ERBB4: variants seen among roughly 807,000 people sequenced by gnomAD.
ERBB4 encodes erb-b2 receptor tyrosine kinase 4, also known as receptor tyrosine-protein kinase erbB-4.
Under a neutral mutation model 158.0 loss-of-function variants are expected in ERBB4, and 42 were observed. The ratio of observed to expected loss-of-function variants is 0.27; its 90% CI spans 0.21 to 0.34. The LOEUF is 0.34. Ranked by LOEUF, ERBB4 falls within the 10% of genes least tolerant of loss-of-function variation. The pLI, the probability that ERBB4 is intolerant of heterozygous loss-of-function variation, is 1.00. For synonymous variants in ERBB4, 583 were observed against 558.7 expected, an observed-to-expected ratio of 1.04 and a Z score of -0.61; for missense variants, 1,333 against 1,624.1, an observed-to-expected ratio of 0.82 and a Z score of 3.08.
intron 1 of ERBB4, among the ~76,000 whole-genome samples, chr2:212,479,993 A>G (rs1689606201): frequency 6.6e-6 from 1 of 152,144 alleles, no homozygotes; most frequent in Admixed American, 6.6e-5. Flanking sequence ...AAAAAGTCCT[A>G]TACGTATTTC....
rs568660177 is a variant in ERBB4 at position 211,720,368 on chromosome 2, T to C, written c.883+2025A>G. Among the ~76,000 whole-genome samples, 4 of 152,344 alleles carry C rather than the reference T, an allele frequency of 2.6e-5. No individual in the cohort carries two copies. The East Asian group carries it at 7.7e-4, about 29-fold the overall frequency. On this transcript the variant is annotated intron_variant, in intron 7 of 27. Transcript: ENST00000342788. ...GAGGAGCAATGTTAAAACAGTGATG[T>C]TTCATCAGCATCACAGAAATGTCCT...
intron 3 of ERBB4, among the ~76,000 whole-genome samples, chr2:211,795,380 T>A (rs2076362526): frequency 6.6e-6 from 1 of 151,918 alleles, no homozygotes; most frequent in African/African-American, 2.4e-5. Context: ...GCATAGTTGC[T>A]TCTATTATAA....
At chr2:212,050,694 CT>C (rs1175327215) in intron 2 of ERBB4, among the ~76,000 whole-genome samples, 1 of 152,138 alleles carries the variant, frequency 6.6e-6, no homozygotes, top group Non-Finnish European at 1.5e-5. Context: ...ATTATCTGTG[CT>C]AGTATGGAAA....
intron 1 of ERBB4, among the ~76,000 whole-genome samples, chr2:212,210,586 A>T (rs998695837): frequency 6.6e-6 from 1 of 152,184 alleles, no homozygotes; most frequent in African/African-American, 2.4e-5. Context: ...ATGGATAGGG[A>T]CAGACAGCAG....
At chr2:212,344,997 C>T (rs1244456056) in intron 1 of ERBB4, among the ~76,000 whole-genome samples, 3 of 151,994 alleles carry the variant, frequency 2.0e-5, no homozygotes, top group Non-Finnish European at 2.9e-5. Context: ...CGTGGTGGGT[C>T]ACGCCTGTAA....
At chr2:212,456,817 C>T (rs1317190775) in intron 1 of ERBB4, among the ~76,000 whole-genome samples, 1 of 151,882 alleles carries the variant, frequency 6.6e-6, no homozygotes, top group African/African-American at 2.4e-5. Context: ...GTGGTGTGTT[C>T]AACAATATGT....
chr2:212,058,775 T>C (rs2077663358), intron 2 of ERBB4, among the ~76,000 whole-genome samples: 1 of 152,194 alleles, frequency 6.6e-6, no homozygotes, highest in South Asian at 2.1e-4. Context: ...AAATTAGGTA[T>C]TGATGGGACG....
chr2:212,314,104 C>T (rs572706264), intron 1 of ERBB4, among the ~76,000 whole-genome samples: 2 of 150,988 alleles, frequency 1.3e-5, no homozygotes, highest in Non-Finnish European at 3.0e-5. Context: ...TTTATCTTTC[C>T]CTAAAATGCT....
Position 212,251,210 on chromosome 2 carries a change from G to T in ERBB4, c.83-126307C>A, listed in dbSNP as rs547352636. ...TTAGGAAGAATTATATATACAGTTT[G>T]CTTTTTATTTACAAAAATGCTCTTA... On this transcript the variant is annotated intron_variant, in intron 1 of 27. Transcript: ENST00000342788. 3.3e-5 allele frequency among the ~76,000 whole-genome samples: 5 copies of T among 152,002 alleles called. No individual in the cohort carries two copies. In the South Asian group the frequency reaches 6.2e-4, roughly 19 times the overall value.
intron 3 of ERBB4, among the ~76,000 whole-genome samples, chr2:211,790,089 A>G (rs901357471): frequency 6.6e-6 from 1 of 152,066 alleles, no homozygotes; most frequent in African/African-American, 2.4e-5. Context: ...AGCAGAAGGG[A>G]GACGTAAGAC....
At chr2:212,093,877 ATAAG>A (rs1224833794) in intron 2 of ERBB4, among the ~76,000 whole-genome samples, 2 of 152,244 alleles carry the variant, frequency 1.3e-5, no homozygotes, top group African/African-American at 4.8e-5. Flanking sequence ...TCAGAAAAAA[ATAAG>A]TATTTCCAGA....
At chr2:212,000,587 A>G (rs1337622169) in intron 2 of ERBB4, among the ~76,000 whole-genome samples, 1 of 151,910 alleles carries the variant, frequency 6.6e-6, no homozygotes, top group Non-Finnish European at 1.5e-5. Context: ...TTAGGAGCCT[A>G]TAAGAAAAAT....
chr2:211,669,807 A>T (rs2071771006), intron 14 of ERBB4, among the ~76,000 whole-genome samples: 1 of 152,208 alleles, frequency 6.6e-6, no homozygotes, highest in South Asian at 2.1e-4. Context: ...GAGATGTACG[A>T]GAAATTTACA....
intron 3 of ERBB4, among the ~76,000 whole-genome samples, chr2:211,944,907 C>T (rs559865967): frequency 6.6e-6 from 1 of 152,182 alleles, no homozygotes; most frequent in African/African-American, 2.4e-5. Flanking sequence ...GTAGATTAGG[C>T]AGTGAGGTAT....
chr2:211,967,626 C>T (rs570376968), intron 2 of ERBB4, among the ~76,000 whole-genome samples: 34 of 151,962 alleles, frequency 2.2e-4, no homozygotes, highest in African/African-American at 8.0e-4. Context: ...ATTAGATTCA[C>T]TAATAAAGAA....
intron 9 of ERBB4, among the ~76,000 whole-genome samples, chr2:211,709,256 T>TATAC (rs1553615179): frequency 8.4e-5 from 6 of 71,148 alleles, no homozygotes; most frequent in African/African-American, 3.2e-4. Flanking sequence ...TATATACACA[T>TATAC]ATATATATAT....
chr2:211,403,243 C>A (rs1361429971), intron 25 of ERBB4, among the ~76,000 whole-genome samples: 1 of 152,074 alleles, frequency 6.6e-6, no homozygotes, highest in Non-Finnish European at 1.5e-5. Context: ...TCCTTTCTTG[C>A]TTTCTTGGAA....
chr2:211,418,463 C>T (rs1246697057), intron 25 of ERBB4, among the ~76,000 whole-genome samples: 1 of 152,072 alleles, frequency 6.6e-6, no homozygotes, highest in African/African-American at 2.4e-5. Flanking sequence ...CTACAGGTAA[C>T]ATTGTTTTAT....
At chr2:212,109,086 G>A (rs2079320597) in intron 2 of ERBB4, among the ~76,000 whole-genome samples, 2 of 152,080 alleles carry the variant, frequency 1.3e-5, no homozygotes, top group African/African-American at 4.8e-5. Context: ...ATCATTGTGG[G>A]AATGTATATA....
Sources: gnomAD v4.1 joint callset for allele counts (sites outside exome capture counted in the v4.1 genomes callset) on GRCh38, gnomAD v4.1.1 for gene constraint, MANE v1.5 for transcripts, NCBI Gene and HGNC (gene_info 2026-07-23, HGNC 2026-07-21) for gene names.